Variants in HIF1A observed in about 807,000 individuals in gnomAD.
HIF1A encodes the protein hypoxia inducible factor 1 subunit alpha.
Under a neutral mutation model 92.7 loss-of-function variants are expected in HIF1A, and 24 were observed. The observed-to-expected ratio is 0.26, with a 90% confidence interval of 0.19 to 0.36. HIF1A has a LOEUF of 0.36. HIF1A is among the 10% of genes least tolerant of loss of function. The pLI, the probability that HIF1A is intolerant of heterozygous loss-of-function variation, is 1.00. For synonymous variants in HIF1A, 319 were observed against 338.7 expected, an observed-to-expected ratio of 0.94 and a Z score of 0.64; for missense variants, 799 against 998.5, an observed-to-expected ratio of 0.80 and a Z score of 2.69.
Position 61,744,739 on chromosome 14 carries a change from A to T in HIF1A, c.2128A>T (p.Ile710Leu). 2 of 1,593,892 alleles carry T rather than the reference A, an allele frequency of 1.3e-6. No homozygotes were observed. Among genetic ancestry groups the T allele is most frequent in the South Asian group, 2.2e-5 (2 of 89,796 alleles). The change falls in exon 13 of 15, where the codon ATA becomes TTA. Residue 710 changes from isoleucine (I) to leucine (L), a missense_variant. By Grantham distance (5) the Ile-to-Leu change is conservative. Coordinates refer to ENST00000337138, the MANE Select transcript of HIF1A (RefSeq NM_001530.4). ...TVPEEELNPKILALQNAQRKR... is the reference protein window; with the variant it reads ...TVPEEELNPKLLALQNAQRKR... ...TCCTGAGGAAGAACTAAATCCAAAG[A>T]TACTAGCTTTGCAGAATGCTCAGAG...
intron 1 of HIF1A, among the ~76,000 whole-genome samples, chr14:61,710,543 T>C (rs1319380700): frequency 6.6e-6 from 1 of 152,184 alleles, no homozygotes; most frequent in African/African-American, 2.4e-5. Flanking sequence ...GATAAAATAA[T>C]AGATTGCTAG....
At chr14:61,718,019 T>A (rs2044382832) in intron 1 of HIF1A, among the ~76,000 whole-genome samples, 1 of 144,454 alleles carries the variant, frequency 6.9e-6, no homozygotes, top group Non-Finnish European at 1.5e-5. Flanking sequence ...AGAACTCCAT[T>A]AAAAAAAAAA....
At chr14:61,735,786 G>C (rs1216086559) in intron 8 of HIF1A, among the ~76,000 whole-genome samples, 12 of 152,062 alleles carry the variant, frequency 7.9e-5, no homozygotes, top group Non-Finnish European at 1.5e-4. Context: ...CCCTCTCTTA[G>C]AAAGATCTTA....
At chr14:61,705,573 C>T (rs1266979284) in intron 1 of HIF1A, among the ~76,000 whole-genome samples, 1 of 152,018 alleles carries the variant, frequency 6.6e-6, no homozygotes, top group East Asian at 1.9e-4. Context: ...TCCCAAATTT[C>T]TTGAATCTTT....
intron 4 of HIF1A, among the ~76,000 whole-genome samples, chr14:61,725,960 C>T (rs760056372): frequency 1.3e-5 from 2 of 151,944 alleles, no homozygotes; most frequent in Non-Finnish European, 2.9e-5. Context: ...GCTGGGATTA[C>T]AGGCACCCAC....
intron 8 of HIF1A, 89 bp downstream of exon 8, chr14:61,734,374 AAATATT>A: frequency 1.2e-6 from 1 of 859,452 alleles, no homozygotes; most frequent in Non-Finnish European, 1.8e-6. Context: ...ATAAGATAAT[AAATATT>A]AACTAAATTT....
intron 2 of HIF1A, among the ~76,000 whole-genome samples, chr14:61,721,118 G>T (rs1248916043): frequency 2.0e-5 from 3 of 152,132 alleles, no homozygotes; most frequent in African/African-American, 7.2e-5. Flanking sequence ...GTAGGTGCCT[G>T]TAATCTCAGC....
chr14:61,717,634 T>C (rs1422154953), intron 1 of HIF1A, among the ~76,000 whole-genome samples: 3 of 152,204 alleles, frequency 2.0e-5, no homozygotes, highest in Non-Finnish European at 2.9e-5. Context: ...TAGACACTTA[T>C]TGCCACTCCT....
intron 4 of HIF1A, among the ~76,000 whole-genome samples, chr14:61,725,525 A>T (rs1166811266): frequency 2.0e-5 from 3 of 150,844 alleles, no homozygotes; most frequent in Non-Finnish European, 3.0e-5. Context: ...AGTGATTCTC[A>T]CGCCTCAACC....
intron 1 of HIF1A, among the ~76,000 whole-genome samples, chr14:61,720,058 G>A (rs964461676): frequency 1.3e-5 from 2 of 152,166 alleles, no homozygotes; most frequent in Non-Finnish European, 2.9e-5. Flanking sequence ...AGCCTTAGAT[G>A]TACAGGCTAC....
chr14:61,742,661 G>A (rs1256222427), intron 12 of HIF1A, among the ~76,000 whole-genome samples: 1 of 152,010 alleles, frequency 6.6e-6, no homozygotes, highest in Non-Finnish European at 1.5e-5. Context: ...TGAAGCGGGT[G>A]GATCACCTGA....
In HIF1A at chr14:61,695,632, C is replaced by T; in HGVS notation, c.-173C>T. 1.5e-6 allele frequency: 1 copy of T among 680,230 alleles called. No individual in the cohort carries two copies. The highest frequency in any genetic ancestry group is 2.5e-6 in the Non-Finnish European group (1 of 407,784). The allele number at this position is 680,230 out of a possible 1,614,324, so 42.1% of individuals were successfully genotyped here. ...GGAGAGGCTCGGAGCCGGGCCCGGA[C>T]CCCGGCGATTGCCGCCCGCTTCTCT... On this transcript the variant is annotated 5_prime_UTR_variant, in exon 1 of 15. Coordinates refer to ENST00000337138, the MANE Select transcript of HIF1A (RefSeq NM_001530.4).
intron 7 of HIF1A, among the ~76,000 whole-genome samples, chr14:61,733,429 G>C (rs897702222): frequency 1.3e-5 from 2 of 152,118 alleles, no homozygotes; most frequent in African/African-American, 4.8e-5. Context: ...CATAAGATTT[G>C]ATTCTGAATT....
At chr14:61,738,750 GTGTTTTGTTT>G (rs563059775) in intron 10 of HIF1A, among the ~76,000 whole-genome samples, 1 of 152,044 alleles carries the variant, frequency 6.6e-6, no homozygotes, top group Admixed American at 6.6e-5. Context: ...TTGTTTTATT[GTGTTTTGTTT>G]TGTTTTGAGA....
intron 2 of HIF1A, 27 bp from the exon 3 acceptor site, chr14:61,721,482 A>G: frequency 6.3e-7 from 1 of 1,586,256 alleles, no homozygotes. Context: ...TTAACTAATT[A>G]TTTTCCTCTT....
rs369380565 is a variant in HIF1A at position 61,738,164 on chromosome 14, T to G, written c.1327T>G (p.Leu443Val). Residue 443 changes from leucine to valine, a missense_variant, in exon 10 of 15, where the codon TTA becomes GTA. Physicochemically the swap from Leu to Val is conservative, Grantham distance 32. This residue lies in a region of HIF1A where 516 missense variants were observed against 721.0 expected (regional missense o/e 0.72). Transcript: ENST00000337138. ...AATGCTCCCCTCACCCAACGAAAAA[T>G]TACAGAATATAAATTTGGCAATGTC... ...DVMLPSPNEK[L>V]QNINLAMSPL... 1.9e-6 allele frequency: 3 copies of G among 1,613,700 alleles called. No individual in the cohort carries two copies. Among genetic ancestry groups the G allele is most frequent in the Non-Finnish European group, 2.5e-6 (3 of 1,179,964 alleles).
At chr14:61,742,399 G>A (rs546479005) in intron 12 of HIF1A, among the ~76,000 whole-genome samples, 2 of 152,258 alleles carry the variant, frequency 1.3e-5, no homozygotes, top group South Asian at 4.1e-4. Context: ...AGAGTGCTGG[G>A]AGAGGTCTTT....
chr14:61,734,543 C>T (rs1320920187), intron 8 of HIF1A, among the ~76,000 whole-genome samples: 1 of 152,086 alleles, frequency 6.6e-6, no homozygotes, highest in Non-Finnish European at 1.5e-5. Context: ...GAAAAAAATA[C>T]CAGATCCATT....
At position 61,732,400 on chromosome 14, in the gene HIF1A, T is replaced by C. The variant is rs370985862; in HGVS notation, c.774-18T>C. ...TGTCTCCCTTTTTTTTCTTAAATCT[T>C]GTATTTTTTACTAACAGAATTACCG... On this transcript the variant is annotated intron_variant, in intron 6 of 14. Transcript: ENST00000337138. 9.8e-6 allele frequency: 15 copies of C among 1,535,012 alleles called. No homozygotes were observed. Among genetic ancestry groups the C allele is most frequent in the African/African-American group, 4.1e-5 (3 of 72,952 alleles).
Sources: allele counts gnomAD v4.1 joint callset (sites outside exome capture counted in the v4.1 genomes callset), GRCh38; gene constraint gnomAD v4.1.1; regional missense constraint gnomAD v4.1.1; transcripts MANE v1.5; gene names NCBI Gene and HGNC (gene_info 2026-07-23, HGNC 2026-07-21).